Variants in CDH13 observed in about 807,000 individuals in gnomAD.
The protein encoded by CDH13 is cadherin-13.
A neutral mutation model predicts 63.8 loss-of-function variants in CDH13; 24 were observed. The ratio of observed to expected loss-of-function variants is 0.38; its 90% CI spans 0.27 to 0.53. CDH13 has a LOEUF of 0.53. CDH13 is among the 20% of genes least tolerant of loss of function. The probability of loss-of-function intolerance (pLI) is 0.85; values close to 1 mark genes in which losing one functional copy is unlikely to be tolerated. For synonymous variants in CDH13, 503 were observed against 355.3 expected, an observed-to-expected ratio of 1.42 and a Z score of -4.67; for missense variants, 1,049 against 903.1, an observed-to-expected ratio of 1.16 and a Z score of -2.07.
chr16:83,412,923 T>A (rs930163221), intron 6 of CDH13, among the ~76,000 whole-genome samples: 15 of 152,256 alleles, frequency 9.9e-5, no homozygotes, highest in Non-Finnish European at 1.6e-4. Context: ...TAAAGAAATG[T>A]AACTGTGTTG....
chr16:83,663,867 A>G (rs953853212), intron 8 of CDH13, among the ~76,000 whole-genome samples: 1 of 152,136 alleles, frequency 6.6e-6, no homozygotes, highest in Non-Finnish European at 1.5e-5. Flanking sequence ...AATCAGATAA[A>G]GAGAGGAGAA....
intron 1 of CDH13, among the ~76,000 whole-genome samples, chr16:82,672,749 G>C (rs1913402191): frequency 1.4e-5 from 2 of 148,058 alleles, no homozygotes; most frequent in African/African-American, 5.0e-5. Flanking sequence ...TTTCCTTTAA[G>C]AAAGGAAATA....
chr16:83,490,731 A>C (rs2073995150), intron 7 of CDH13, among the ~76,000 whole-genome samples: 1 of 152,216 alleles, frequency 6.6e-6, no homozygotes, highest in Non-Finnish European at 1.5e-5. Flanking sequence ...TGAGGAAGAC[A>C]GCGTGATTCA....
At chr16:82,979,425 A>T (rs186987208) in intron 2 of CDH13, among the ~76,000 whole-genome samples, 240 of 152,144 alleles carry the variant, frequency 1.6e-3, no homozygotes, top group African/African-American at 5.5e-3. Flanking sequence ...AGTTCCTGTA[A>T]TCCCTACATG....
intron 6 of CDH13, among the ~76,000 whole-genome samples, chr16:83,363,201 A>G (rs1323285560): frequency 1.3e-5 from 2 of 152,130 alleles, no homozygotes; most frequent in East Asian, 1.9e-4. Context: ...TCACAGGTTG[A>G]TTTTCCTCGT....
At chr16:82,763,739 A>G (rs2034943033) in intron 1 of CDH13, among the ~76,000 whole-genome samples, 1 of 152,214 alleles carries the variant, frequency 6.6e-6, no homozygotes. Context: ...GCTGGAGCAC[A>G]GTGTGCGATC....
chr16:83,674,581 G>C (rs902845533), intron 9 of CDH13, among the ~76,000 whole-genome samples: 6 of 152,236 alleles, frequency 3.9e-5, no homozygotes, highest in Non-Finnish European at 8.8e-5. Flanking sequence ...AAGGCAGAGG[G>C]GGGCTGGTGA....
At chr16:83,158,092 G>A (rs2037289986) in intron 4 of CDH13, among the ~76,000 whole-genome samples, 1 of 152,078 alleles carries the variant, frequency 6.6e-6, no homozygotes, top group African/African-American at 2.4e-5. Context: ...TGGGTTCCCT[G>A]TCTCAGGCAC....
chr16:83,386,769 C>T (rs1299669252), intron 6 of CDH13, among the ~76,000 whole-genome samples: 1 of 152,188 alleles, frequency 6.6e-6, no homozygotes, highest in African/African-American at 2.4e-5. Context: ...TTGTTGGCTG[C>T]TGGTATTGAT....
intron 2 of CDH13, among the ~76,000 whole-genome samples, chr16:82,869,504 C>T (rs890012476): frequency 6.6e-6 from 1 of 151,818 alleles, no homozygotes; most frequent in South Asian, 2.1e-4. Context: ...ATACAGAACC[C>T]CAAAAGACCC....
Position 83,783,345 on chromosome 16 carries a change from G to A in CDH13, c.2007G>A (p.Met669Ile), listed in dbSNP as rs761234173. The A allele has an allele frequency of 1.2e-6, 2 of 1,613,944 alleles. No individual in the cohort carries two copies. The highest frequency in any genetic ancestry group is 8.5e-7 in the Non-Finnish European group (1 of 1,179,858). Reference sequence around the variant, plus strand: ...TGACAGATTCAGGGAAACCACCCATGACGAATATCACAGATCTCAGGGTAC... The same window carrying A: ...TGACAGATTCAGGGAAACCACCCATAACGAATATCACAGATCTCAGGGTAC... ...IMVTDSGKPP[M>I]TNITDLRVQV... The change falls in exon 13 of 14, where the codon ATG (methionine) becomes ATA (isoleucine). Residue 669 changes from methionine (M) to isoleucine (I), a missense_variant. Physicochemically the swap from Met to Ile is conservative, Grantham distance 10. Transcript: ENST00000567109.
chr16:83,486,279 G>A (rs1368008010), intron 6 of CDH13, among the ~76,000 whole-genome samples, 198 bp from the exon 7 acceptor site: 1 of 152,226 alleles, frequency 6.6e-6, no homozygotes, highest in African/African-American at 2.4e-5. Flanking sequence ...TTTATTTCAG[G>A]TCTTTTCATG....
rs567978287 is a variant in CDH13 at position 83,014,457 on chromosome 16, A to G, written c.158-17553A>G. 1.9e-3 allele frequency among the ~76,000 whole-genome samples: 291 copies of G among 151,746 alleles called. 2 individuals carry two copies. The highest frequency in any genetic ancestry group is 0.017 in the Middle Eastern group (5 of 292). On this transcript the variant is annotated intron_variant, in intron 2 of 13. Transcript: ENST00000567109. ...CCAGGTATAAAGGTATTTGTGGCCG[A>G]CCATGGTGGCTTATGCCTGTAATCT...
chr16:83,563,718 A>T (rs2075745544), intron 7 of CDH13, among the ~76,000 whole-genome samples: 1 of 152,132 alleles, frequency 6.6e-6, no homozygotes, highest in African/African-American at 2.4e-5. Context: ...GACTTCTTGA[A>T]AAACAGACTC....
At chr16:83,199,615 A>C (rs552860279) in intron 4 of CDH13, among the ~76,000 whole-genome samples, 168 of 152,206 alleles carry the variant, frequency 1.1e-3, no homozygotes, top group Admixed American at 3.2e-3. Context: ...ATGCCACTTG[A>C]AAAACATTTT....
At chr16:82,917,802 A>C (rs570740596) in intron 2 of CDH13, among the ~76,000 whole-genome samples, 239 of 151,332 alleles carry the variant, frequency 1.6e-3, no homozygotes, top group Non-Finnish European at 2.8e-3. Context: ...GTTATCTCAG[A>C]TACTTGGGAG....
chr16:82,933,034 A>G (rs965383426), intron 2 of CDH13, among the ~76,000 whole-genome samples: 1 of 152,168 alleles, frequency 6.6e-6, no homozygotes, highest in East Asian at 1.9e-4. Context: ...TATTTTTATG[A>G]CATATCTTTG....
intron 4 of CDH13, among the ~76,000 whole-genome samples, chr16:83,190,794 G>T (rs1283699338): frequency 6.6e-6 from 1 of 152,052 alleles, no homozygotes; most frequent in East Asian, 1.9e-4. Context: ...TCTCACTGTG[G>T]TGACATTTAA....
intron 2 of CDH13, among the ~76,000 whole-genome samples, chr16:82,913,529 A>G (rs1468688899): frequency 6.6e-6 from 1 of 152,138 alleles, no homozygotes; most frequent in East Asian, 1.9e-4. Flanking sequence ...CATCAAGTTG[A>G]TGGCTTGTTA....
Sources: allele counts gnomAD v4.1 joint callset (sites outside exome capture counted in the v4.1 genomes callset), GRCh38; gene constraint gnomAD v4.1.1; transcripts MANE v1.5; gene names NCBI Gene and HGNC (gene_info 2026-07-23, HGNC 2026-07-21).